RC3H1: variants seen among roughly 807,000 people sequenced by gnomAD.
RC3H1 encodes the protein roquin-1.
RC3H1 carries 50 observed loss-of-function variants against 138.2 expected under a neutral mutation model. That is an observed-to-expected ratio of 0.36 (90% CI 0.29 to 0.46). RC3H1 has a LOEUF of 0.46. Among genes scored for constraint, RC3H1 ranks in the 20% least tolerant of loss-of-function variants. The pLI is 1.00. For missense variants in RC3H1, 1,031 were observed against 1,388.1 expected (o/e 0.74, Z 4.09); for synonymous variants, 462 against 489.1 (o/e 0.94, Z 0.73).
At chr1:173,955,988 T>C (rs1033283068) in intron 13 of RC3H1, among the ~76,000 whole-genome samples, 4 of 151,592 alleles carry the variant, frequency 2.6e-5, no homozygotes, top group Non-Finnish European at 4.4e-5. Context: ...AAAATTAGCC[T>C]GGCATGGTGG....
At position 173,936,730 on chromosome 1, in the gene RC3H1, CATATATATATATATAT is replaced by C. The variant is rs1210669077; in HGVS notation, c.*1975_*1990del. 1,482 of 46,712 alleles carry C rather than the reference CATATATATATATATAT, an allele frequency of 0.032. 53 individuals are homozygous for C. Among genetic ancestry groups the C allele is most frequent in the African/African-American group, 0.14 (1,424 of 10,228 alleles). The allele number at this position is 46,712 out of a possible 1,614,324, so 2.9% of individuals were successfully genotyped here. A position where few individuals can be genotyped will look rare whatever the true frequency, so the allele number is the denominator to read the frequency against. ...AGCCAAAAAAAAAAGAAAAAGCATA[CATATATATATATATAT>C]ATATATATATATATATTTTTTTTTT... On this transcript the variant is annotated 3_prime_UTR_variant, in exon 20 of 20. Transcript: ENST00000367696.
rs57487234 is a variant in RC3H1, at chr1:173,941,940, GAAAAA to G, written c.3136-565_3136-561del. On this transcript the variant is annotated intron_variant, in intron 18 of 19. Transcript: ENST00000367696. ...GAGTGAGACTCCCTCTCAAAAAAAG[GAAAAA>G]AAAAAAAAAAAGGCTAGGCATGGTG... Among the ~76,000 whole-genome samples, 4 of 98,206 alleles carry G rather than the reference GAAAAA, an allele frequency of 4.1e-5. No individual in the cohort carries two copies. The South Asian group carries it at 1.0e-3, about 25-fold the overall frequency. The allele number at this position is 98,206 out of a possible 152,430, so 64.4% of individuals were successfully genotyped here.
intron 13 of RC3H1, among the ~76,000 whole-genome samples, chr1:173,957,782 G>GA (rs1242774795): frequency 2.0e-5 from 3 of 152,114 alleles, no homozygotes. Context: ...GACTGGTCTT[G>GA]AACTCCTGGG....
intron 1 of RC3H1, among the ~76,000 whole-genome samples, chr1:174,009,698 T>C (rs1661715598): frequency 6.6e-6 from 1 of 151,894 alleles, no homozygotes; most frequent in South Asian, 2.1e-4. Context: ...ATTAGCTGGG[T>C]ATGGTGGCAC....
chr1:174,000,905 T>C (rs755060948), intron 1 of RC3H1, among the ~76,000 whole-genome samples: 2 of 152,176 alleles, frequency 1.3e-5, no homozygotes, highest in Non-Finnish European at 2.9e-5. Context: ...AGCAATAATA[T>C]CTTGTGAACA....
At chr1:173,993,226 C>G (rs1334016117) in intron 1 of RC3H1, 91 bp from the exon 2 acceptor site, 1 of 488,442 alleles carries the variant, frequency 2.0e-6, no homozygotes. Context: ...TATTCCACAA[C>G]TTTTTATACC....
At position 173,956,003 on chromosome 1, in the gene RC3H1, T is replaced by A. The variant is rs551548085; in HGVS notation, c.2371-3865A>T. On this transcript the variant is annotated intron_variant, in intron 13 of 19. Transcript: ENST00000367696. The stretch of plus-strand genomic sequence containing the variant: ...AAAATTAGCCTGGCATGGTGGTGCA[T>A]GCCTGTAATCCCAGCTACTCAGGAG... Among the ~76,000 whole-genome samples, 4 of 151,878 alleles carry A rather than the reference T, an allele frequency of 2.6e-5. No individual in the cohort carries two copies. The South Asian group carries it at 8.3e-4, about 32-fold the overall frequency.
At chr1:173,998,355 C>A (rs1661502311) in intron 1 of RC3H1, among the ~76,000 whole-genome samples, 1 of 152,118 alleles carries the variant, frequency 6.6e-6, no homozygotes, top group Non-Finnish European at 1.5e-5. Context: ...AGTATGAAAG[C>A]AATGATTAGT....
chr1:174,006,294 T>G (rs1165266392), intron 1 of RC3H1, among the ~76,000 whole-genome samples: 1 of 152,210 alleles, frequency 6.6e-6, no homozygotes, highest in Non-Finnish European at 1.5e-5. Context: ...GTTATACTTT[T>G]TTACCTACCT....
At chr1:173,953,360 C>T (rs1659499562) in intron 13 of RC3H1, among the ~76,000 whole-genome samples, 1 of 152,150 alleles carries the variant, frequency 6.6e-6, no homozygotes, top group Non-Finnish European at 1.5e-5. Flanking sequence ...CAACCTCTGC[C>T]TCCCAGGTTC....
At chr1:173,939,528 CAAAAAAAAAAAAAAAA>C (rs61301994) in intron 19 of RC3H1, among the ~76,000 whole-genome samples, 5 of 35,946 alleles carry the variant, frequency 1.4e-4, no homozygotes, top group Non-Finnish European at 2.5e-4. Context: ...GAGATTTTAT[CAAAAAAAAAAAAAAAA>C]AAAAAAAAAA....
intron 1 of RC3H1, among the ~76,000 whole-genome samples, chr1:174,010,869 T>C (rs1661737692): frequency 6.6e-6 from 1 of 152,184 alleles, no homozygotes; most frequent in Non-Finnish European, 1.5e-5. Context: ...GCATATAGTA[T>C]GTTCACTGAG....
chr1:174,004,215 G>A (rs929535340), intron 1 of RC3H1, among the ~76,000 whole-genome samples: 1 of 151,410 alleles, frequency 6.6e-6, no homozygotes, highest in African/African-American at 2.4e-5. Flanking sequence ...GGGCTTAAGT[G>A]ATCCTCTTAC....
intron 2 of RC3H1, among the ~76,000 whole-genome samples, chr1:173,990,201 G>A (rs915759948): frequency 1.3e-5 from 2 of 150,154 alleles, no homozygotes; most frequent in African/African-American, 2.4e-5. Flanking sequence ...CCTCAGCCCC[G>A]AGTAGCTGGG....
intron 14 of RC3H1, among the ~76,000 whole-genome samples, chr1:173,950,326 C>T: frequency 6.7e-6 from 1 of 150,140 alleles, no homozygotes; most frequent in East Asian, 2.0e-4. Flanking sequence ...ACATCTGTAA[C>T]TACAGCACTT....
chr1:173,964,744 G>GTTT, intron 10 of RC3H1, 95 bp downstream of exon 10: 2 of 941,850 alleles, frequency 2.1e-6, no homozygotes, highest in South Asian at 2.0e-5. Flanking sequence ...AATAATCAGG[G>GTTT]TTTTTTTTTT....
At chr1:173,989,142 G>A (rs1273364868) in intron 2 of RC3H1, among the ~76,000 whole-genome samples, 2 of 152,190 alleles carry the variant, frequency 1.3e-5, no homozygotes, top group Non-Finnish European at 2.9e-5. Context: ...AGATGATGCT[G>A]CCACCTCAGC....
chr1:174,010,030 T>C (rs1403288414), intron 1 of RC3H1, among the ~76,000 whole-genome samples: 2 of 152,134 alleles, frequency 1.3e-5, no homozygotes, highest in African/African-American at 4.8e-5. Flanking sequence ...GGCAACTAAA[T>C]TTATTCTTAT....
chr1:173,948,258 C>T (rs1280551989), intron 14 of RC3H1, among the ~76,000 whole-genome samples: 1 of 152,148 alleles, frequency 6.6e-6, no homozygotes, highest in East Asian at 1.9e-4. Context: ...TAAGTCCCTT[C>T]TGCTTTAGTC....
Sources: gnomAD v4.1 joint callset for allele counts (sites outside exome capture counted in the v4.1 genomes callset) on GRCh38, gnomAD v4.1.1 for gene constraint, MANE v1.5 for transcripts, NCBI Gene and HGNC (gene_info 2026-07-23, HGNC 2026-07-21) for gene names.